The following METTL16 variants were observed in gnomAD, a reference collection of about 807,000 sequenced individuals.
METTL16 encodes the protein methyltransferase 16, RNA N6-adenosine, also known as RNA N(6)-adenosine-methyltransferase METTL16.
In METTL16, 19 loss-of-function variants were observed where a neutral mutation model predicts 57.9. The ratio of observed to expected loss-of-function variants is 0.33; its 90% CI spans 0.23 to 0.48. The LOEUF is 0.48. Ranked by LOEUF, METTL16 falls within the 20% of genes least tolerant of loss-of-function variation. The pLI is 0.99. For missense variants in METTL16, 434 were observed against 691.5 expected (o/e 0.63, Z 4.18); for synonymous variants, 246 against 255.6 (o/e 0.96, Z 0.36).
chr17:2,464,912 AG>A (rs1306832967), intron 5 of METTL16, among the ~76,000 whole-genome samples: 1 of 152,234 alleles, frequency 6.6e-6, no homozygotes, highest in Admixed American at 6.5e-5. Context: ...AAGCAACAAA[AG>A]AAAACAGATA....
chr17:2,485,914 TC>T (rs564751952), intron 2 of METTL16, among the ~76,000 whole-genome samples: 26 of 152,196 alleles, frequency 1.7e-4, no homozygotes, highest in African/African-American at 5.8e-4. Context: ...CTTAGGAAGG[TC>T]AGAGGAGGCT....
intron 2 of METTL16, among the ~76,000 whole-genome samples, chr17:2,489,722 G>C (rs962111416): frequency 3.7e-4 from 2 of 5,470 alleles, no homozygotes; most frequent in South Asian, 8.0e-3. Flanking sequence ...CTGGATGACA[G>C]AGCGAGACTC....
intron 2 of METTL16, among the ~76,000 whole-genome samples, chr17:2,487,961 C>T (rs1229989549): frequency 6.6e-6 from 1 of 151,654 alleles, no homozygotes; most frequent in African/African-American, 2.4e-5. Flanking sequence ...GCTGTGATCG[C>T]ATCACTGTAT....
intron 7 of METTL16, among the ~76,000 whole-genome samples, chr17:2,439,375 G>A (rs1302352847): frequency 6.6e-6 from 1 of 152,144 alleles, no homozygotes; most frequent in Non-Finnish European, 1.5e-5. Context: ...GCCTCCCAAA[G>A]TGCTGTGATT....
intron 2 of METTL16, among the ~76,000 whole-genome samples, chr17:2,480,095 A>G (rs531948350): frequency 6.6e-6 from 1 of 151,450 alleles, no homozygotes; most frequent in Non-Finnish European, 1.5e-5. Flanking sequence ...CTGAGGCAGG[A>G]GAATCGCTTG....
intron 6 of METTL16, among the ~76,000 whole-genome samples, chr17:2,453,002 G>A (rs935832750): frequency 2.0e-5 from 3 of 152,076 alleles, no homozygotes; most frequent in African/African-American, 7.2e-5. Context: ...TGGGATTACA[G>A]GCATGTGCCA....
intron 1 of METTL16, among the ~76,000 whole-genome samples, chr17:2,508,349 T>C (rs751470221): frequency 1.6e-4 from 25 of 152,180 alleles, no homozygotes; most frequent in Non-Finnish European, 3.2e-4. Flanking sequence ...CTGCCTACCA[T>C]ATTTCTCACT....
chr17:2,508,853 T>C (rs184077012), intron 1 of METTL16, among the ~76,000 whole-genome samples: 12 of 152,330 alleles, frequency 7.9e-5, no homozygotes, highest in Admixed American at 6.5e-4. Context: ...TCCAACTTCA[T>C]TTGTTGCCAC....
At chr17:2,477,530 A>C in intron 3 of METTL16, 156 bp downstream of exon 3, 1 of 626,414 alleles carries the variant, frequency 1.6e-6, no homozygotes, top group African/African-American at 1.8e-5. Context: ...CAGATTTTGA[A>C]GCATTTCGGA....
In METTL16 at chr17:2,419,925, C is replaced by T. The variant is rs1238679896; in HGVS notation, c.*45G>A. On this transcript the variant is annotated 3_prime_UTR_variant, in exon 10 of 10. Coordinates refer to ENST00000263092, the MANE Select transcript of METTL16 (RefSeq NM_024086.4). Reference sequence around the variant, plus strand: ...CCTCTTGCCACCCCACAGGCCACTCCAAAGCAAGTTACTATCAACACGTTT... The same window carrying T: ...CCTCTTGCCACCCCACAGGCCACTCTAAAGCAAGTTACTATCAACACGTTT... 6.2e-7 allele frequency: 1 copy of T among 1,602,018 alleles called. No homozygotes were observed. Among genetic ancestry groups the T allele is most frequent in the East Asian group, 2.2e-5 (1 of 44,790 alleles).
In METTL16 at chr17:2,436,357, T is replaced by A. The variant is rs1048465675; in HGVS notation, c.888+1752A>T. Among the ~76,000 whole-genome samples the A allele has an allele frequency of 3.3e-5, 5 of 152,288 alleles. No individual in the cohort carries two copies. The East Asian group carries it at 9.6e-4, about 29-fold the overall frequency. ...ACCCTTCATGGAAGGGCCATTCAAA[T>A]GGCACTGGGGAGTGTAATTGAACCC... On this transcript the variant is annotated intron_variant, in intron 8 of 9. Transcript: ENST00000263092.
At chr17:2,460,885 C>CA (rs1369970185) in intron 6 of METTL16, among the ~76,000 whole-genome samples, 2,530 of 57,546 alleles carry the variant, frequency 0.044, 61 homozygotes, top group East Asian at 0.21. Flanking sequence ...AACTCAGTCT[C>CA]AAAAAAAAAA....
At chr17:2,489,106 T>C (rs1178462106) in intron 2 of METTL16, among the ~76,000 whole-genome samples, 1 of 96,346 alleles carries the variant, frequency 1.0e-5, no homozygotes, top group Non-Finnish European at 2.0e-5. Context: ...GCTAAACTTT[T>C]CATTCTTTTT....
chr17:2,464,352 TG>T lies in METTL16; in HGVS notation c.586-3del. 1 of 1,587,982 alleles carries T rather than the reference TG, an allele frequency of 6.3e-7. No homozygotes were observed. The highest frequency in any genetic ancestry group is 8.5e-7 in the Non-Finnish European group (1 of 1,172,080). On this transcript the variant is annotated splice_polypyrimidine_tract_variant and splice_region_variant and intron_variant, in intron 5 of 9. Transcript: ENST00000263092. ...TCGAGGATTTCGTGAGTTTACTCCC[TG>T]AAAAACAACAAAAAACCCTGGTGAA...
At chr17:2,455,818 C>T (rs138619388) in intron 6 of METTL16, among the ~76,000 whole-genome samples, 16 of 151,886 alleles carry the variant, frequency 1.1e-4, no homozygotes, top group Non-Finnish European at 2.1e-4. Context: ...CCCATCTCTA[C>T]AAAAAAATGC....
At chr17:2,434,428 T>C (rs2066895471) in intron 8 of METTL16, among the ~76,000 whole-genome samples, 1 of 152,220 alleles carries the variant, frequency 6.6e-6, no homozygotes, top group Non-Finnish European at 1.5e-5. Flanking sequence ...TTGGCCAGGC[T>C]GGTCTCAAAC....
chr17:2,502,000 C>T (rs1025414483), intron 2 of METTL16, among the ~76,000 whole-genome samples: 1 of 151,824 alleles, frequency 6.6e-6, no homozygotes, highest in African/African-American at 2.4e-5. Context: ...TTTTTTTAAG[C>T]CAGAAGGAAA....
At chr17:2,454,806 T>C (rs937613016) in intron 6 of METTL16, among the ~76,000 whole-genome samples, 2 of 152,006 alleles carry the variant, frequency 1.3e-5, no homozygotes, top group Admixed American at 6.6e-5. Context: ...TCTGGTGATC[T>C]GCCCACCTTG....
At chr17:2,456,013 A>T (rs1230749505) in intron 6 of METTL16, among the ~76,000 whole-genome samples, 2 of 151,956 alleles carry the variant, frequency 1.3e-5, no homozygotes, top group East Asian at 3.9e-4. Flanking sequence ...ATTAATTAAA[A>T]TAAAATAAGG....
Sources: allele counts gnomAD v4.1 joint callset (sites outside exome capture counted in the v4.1 genomes callset), GRCh38; gene constraint gnomAD v4.1.1; transcripts MANE v1.5; gene names NCBI Gene and HGNC (gene_info 2026-07-23, HGNC 2026-07-21).